Variants in UNC119B observed in about 807,000 individuals in gnomAD.
UNC119B encodes protein unc-119 homolog B.
In UNC119B, 16 loss-of-function variants were observed where a neutral mutation model predicts 23.4. That is an observed-to-expected ratio of 0.68 (90% CI 0.46 to 1.04). UNC119B has a LOEUF of 1.04. Among genes scored for constraint, UNC119B ranks in the 50% least tolerant of loss-of-function variants. UNC119B has a pLI of 0.00. For synonymous variants in UNC119B, 144 were observed against 145.4 expected (o/e 0.99, Z 0.07); for missense variants, 350 against 361.3 (o/e 0.97, Z 0.25).
At chr12:120,715,658 C>T (rs1302510045) in intron 2 of UNC119B, among the ~76,000 whole-genome samples, 6 of 151,010 alleles carry the variant, frequency 4.0e-5, no homozygotes, top group Admixed American at 3.3e-4. Flanking sequence ...CTCAGCCTTC[C>T]GAGTAGCTGG....
chr12:120,713,943 T>C (rs982725435), intron 2 of UNC119B, among the ~76,000 whole-genome samples: 2 of 152,180 alleles, frequency 1.3e-5, no homozygotes, highest in African/African-American at 4.8e-5. Context: ...AACCATTTTC[T>C]GGAAGAACAG....
chr12:120,714,509 C>T (rs563869580), intron 2 of UNC119B, among the ~76,000 whole-genome samples: 12 of 152,162 alleles, frequency 7.9e-5, no homozygotes, highest in Non-Finnish European at 1.6e-4. Flanking sequence ...TTAATAGAGA[C>T]GGGATTTCAC....
At chr12:120,718,900 A>G (rs913048724) in intron 4 of UNC119B, among the ~76,000 whole-genome samples, 16 of 152,180 alleles carry the variant, frequency 1.1e-4, no homozygotes, top group African/African-American at 3.9e-4. Flanking sequence ...CAGGGTGTTG[A>G]CGACAGCATC....
chr12:120,720,014 C>G lies in UNC119B; in HGVS notation c.738C>G (p.Ala246=). The G allele has an allele frequency of 6.2e-7, 1 of 1,613,748 alleles. No individual in the cohort carries two copies. Among genetic ancestry groups the G allele is most frequent in the South Asian group, 1.1e-5 (1 of 91,048 alleles). Residue 246 remains alanine, a synonymous_variant, in exon 5 of 5, where the codon GCC becomes GCG. Coordinates refer to ENST00000344651, the MANE Select transcript of UNC119B (RefSeq NM_001080533.3). ...TAATGCACAACAAGGCTGATTATGC[C>G]TATAATGGAGGCCAGTAAGTGCTGC... ...KLIMHNKADY[A]YNGGQ
chr12:120,712,429 G>T (rs1192311837), intron 1 of UNC119B, among the ~76,000 whole-genome samples: 1 of 152,184 alleles, frequency 6.6e-6, no homozygotes, highest in East Asian at 1.9e-4. Context: ...ATGCTATCCG[G>T]AATCATCCTA....
intron 2 of UNC119B, among the ~76,000 whole-genome samples, chr12:120,713,707 G>A (rs918993772): frequency 5.3e-5 from 8 of 152,152 alleles, no homozygotes; most frequent in Non-Finnish European, 8.8e-5. Context: ...ATTCCCAGGC[G>A]GCTCTTTCCT....
chr12:120,718,876 G>C (rs1369065151), intron 4 of UNC119B, among the ~76,000 whole-genome samples: 2 of 152,210 alleles, frequency 1.3e-5, no homozygotes, highest in Non-Finnish European at 2.9e-5. Flanking sequence ...AATGAGGATT[G>C]CTGAGATGTG....
intron 1 of UNC119B, among the ~76,000 whole-genome samples, chr12:120,712,375 C>T (rs1169021392): frequency 1.3e-5 from 2 of 152,186 alleles, no homozygotes; most frequent in Non-Finnish European, 2.9e-5. Context: ...AAACAACTAA[C>T]TCAGGCAATA....
rs748482651 is a variant in UNC119B, at chr12:120,716,929, A to G, written c.530A>G (p.Tyr177Cys). The change falls in exon 4 of 5, where the codon TAT becomes TGT. Residue 177 changes from tyrosine to cysteine, a missense_variant. Physicochemically the swap from Tyr to Cys is radical, Grantham distance 194 (BLOSUM62 -2). Coordinates refer to ENST00000344651, the MANE Select transcript of UNC119B (RefSeq NM_001080533.3). ...VSNFRMIERHYFREHLLKNFD... is the reference protein window; with the variant it reads ...VSNFRMIERHCFREHLLKNFD... ...AACTTCCGGATGATCGAACGGCACT[A>G]TTTCCGGGAACACTTGCTGAAAAAC... The G allele has an allele frequency of 3.1e-6, 5 of 1,613,682 alleles. No individual in the cohort carries two copies. In the Admixed American group the frequency reaches 6.7e-5, roughly 22 times the overall value.
rs1382002009 is a variant in UNC119B, at chr12:120,721,656, T to C, written c.*1624T>C. On this transcript the variant is annotated 3_prime_UTR_variant, in exon 5 of 5. Transcript: ENST00000344651. ...TGGCAATGCCACATGCTGGCAGCTT[T>C]CTCACTGAGAAGGTCCTAGCTTACC... 1 of 152,810 alleles carries C rather than the reference T, an allele frequency of 6.5e-6. No individual in the cohort carries two copies. Among genetic ancestry groups the C allele is most frequent in the African/African-American group, 2.4e-5 (1 of 41,460 alleles). 9.5% of individuals were successfully genotyped at this position (152,810 alleles called of 1,614,324 possible).
rs1453485358 is a variant in UNC119B, at chr12:120,721,269, G to A, written c.*1237G>A. On this transcript the variant is annotated 3_prime_UTR_variant, in exon 5 of 5. Coordinates refer to ENST00000344651, the MANE Select transcript of UNC119B (RefSeq NM_001080533.3). ...CTGATGTGGCCTGTCAGAGTGATGTGTTCTCAAAAAAGTTCACTTGCACAT... is the reference window on the plus strand; with the variant it reads ...CTGATGTGGCCTGTCAGAGTGATGTATTCTCAAAAAAGTTCACTTGCACAT... 4 of 152,200 alleles carry A rather than the reference G, an allele frequency of 2.6e-5. No homozygotes were observed. Among genetic ancestry groups the A allele is most frequent in the Non-Finnish European group, 4.4e-5 (3 of 68,050 alleles). 9.4% of individuals were successfully genotyped at this position (152,200 alleles called of 1,614,324 possible).
Position 120,710,930 on chromosome 12 carries a change from C to G in UNC119B, c.244+212C>G, listed in dbSNP as rs1882651287. The G allele has an allele frequency of 7.6e-6, 3 of 395,024 alleles. No homozygotes were observed. The Admixed American group carries it at 1.5e-4, about 20-fold the overall frequency. 24.5% of individuals were successfully genotyped at this position (395,024 alleles called of 1,614,324 possible). ...GGACTCTCCTGGGCTGGACCGCATTCCTGTGAGTCCGGCCACGCTAGGATG... is the reference window on the plus strand; with the variant it reads ...GGACTCTCCTGGGCTGGACCGCATTGCTGTGAGTCCGGCCACGCTAGGATG... On this transcript the variant is annotated intron_variant, in intron 1 of 4. Coordinates refer to ENST00000344651, the MANE Select transcript of UNC119B (RefSeq NM_001080533.3).
chr12:120,716,765 A>G, intron 3 of UNC119B, 26 bp downstream of exon 3: 1 of 1,609,998 alleles, frequency 6.2e-7, no homozygotes, highest in Non-Finnish European at 8.5e-7. Context: ...ACCTGAGGGG[A>G]GAACATTCTG....
chr12:120,720,239 G>A lies in UNC119B; in HGVS notation c.*207G>A. The A allele has an allele frequency of 1.8e-6, 1 of 566,314 alleles. No homozygotes were observed. Among genetic ancestry groups the A allele is most frequent in the South Asian group, 2.2e-5 (1 of 45,442 alleles). The allele number at this position is 566,314 out of a possible 1,614,324, so 35.1% of individuals were successfully genotyped here. ...GTATTTTTTCTTCCCTTTTTTTCCT[G>A]CCCCGTAGGTTGCAGAGGTACTATA... On this transcript the variant is annotated 3_prime_UTR_variant, in exon 5 of 5. Coordinates refer to ENST00000344651, the MANE Select transcript of UNC119B (RefSeq NM_001080533.3).
Position 120,710,993 on chromosome 12 carries a change from G to A in UNC119B, c.244+275G>A, listed in dbSNP as rs965041748. 4.5e-5 allele frequency: 13 copies of A among 287,302 alleles called. 1 individual carries two copies. Among genetic ancestry groups the A allele is most frequent in the Middle Eastern group, 2.0e-3 (2 of 1,024 alleles). The allele number at this position is 287,302 out of a possible 1,614,324, so 17.8% of individuals were successfully genotyped here. On this transcript the variant is annotated intron_variant, in intron 1 of 4. Coordinates refer to ENST00000344651, the MANE Select transcript of UNC119B (RefSeq NM_001080533.3). ...TCGGCTCCCCAGCTCTGCCGGACCTGTTTGGGTAGAGGGCCCCGTTCAGCT... is the reference window on the plus strand; with the variant it reads ...TCGGCTCCCCAGCTCTGCCGGACCTATTTGGGTAGAGGGCCCCGTTCAGCT...
At chr12:120,717,210 T>C (rs960714512) in intron 4 of UNC119B, among the ~76,000 whole-genome samples, 168 bp downstream of exon 4, 3 of 152,204 alleles carry the variant, frequency 2.0e-5, no homozygotes, top group Non-Finnish European at 2.9e-5. Flanking sequence ...TCCTGGCTCC[T>C]GTTCTAAACT....
Position 120,720,070 on chromosome 12 carries a change from G to T in UNC119B, c.*38G>T. 1 of 1,464,268 alleles carries T rather than the reference G, an allele frequency of 6.8e-7. No individual in the cohort carries two copies. The highest frequency in any genetic ancestry group is 1.1e-5 in the South Asian group (1 of 87,222). 90.7% of individuals were successfully genotyped at this position (1,464,268 alleles called of 1,614,324 possible). A position where few individuals can be genotyped will look rare whatever the true frequency, so the allele number is the denominator to read the frequency against. Reference sequence around the variant, plus strand: ...TAGATAGGGGAGGTGCTTTGCCGCGGCCACAAGATCCTGGCACACGGAGAT... The same window carrying T: ...TAGATAGGGGAGGTGCTTTGCCGCGTCCACAAGATCCTGGCACACGGAGAT... On this transcript the variant is annotated 3_prime_UTR_variant, in exon 5 of 5. Transcript: ENST00000344651.
chr12:120,715,401 A>G (rs934209359), intron 2 of UNC119B, among the ~76,000 whole-genome samples: 3 of 151,636 alleles, frequency 2.0e-5, no homozygotes, highest in Admixed American at 2.0e-4. Context: ...GAGATGTTTG[A>G]TGCTGAAAAA....
rs564192927 is a variant in UNC119B at position 120,718,684 on chromosome 12, G to T, written c.644-1236G>T. Among the ~76,000 whole-genome samples, 15 of 152,312 alleles carry T rather than the reference G, an allele frequency of 9.8e-5. 1 individual carries two copies. The South Asian group carries it at 3.1e-3, about 32-fold the overall frequency. ...GCCACCTCAGGTTCGCATCCTTTGT[G>T]AATAGTTAGGGAAAATTCAAGTCAT... On this transcript the variant is annotated intron_variant, in intron 4 of 4. Transcript: ENST00000344651.
Sources: allele counts gnomAD v4.1 joint callset (sites outside exome capture counted in the v4.1 genomes callset), GRCh38; gene constraint gnomAD v4.1.1; transcripts MANE v1.5; gene names NCBI Gene and HGNC (gene_info 2026-07-23, HGNC 2026-07-21).